The following SAMD12 variants were observed in gnomAD, a reference collection of about 807,000 sequenced individuals.
SAMD12 encodes sterile alpha motif domain-containing protein 12.
Under a neutral mutation model 15.0 loss-of-function variants are expected in SAMD12, and 9 were observed. The ratio of observed to expected loss-of-function variants is 0.60; its 90% CI spans 0.36 to 1.05. The LOEUF (loss-of-function observed/expected upper bound fraction) is 1.05, where lower values mean the gene tolerates loss of function less well. Among genes scored for constraint, SAMD12 ranks in the 50% least tolerant of loss-of-function variants. SAMD12 has a pLI of 0.01. For synonymous variants in SAMD12, 86 were observed against 90.1 expected (o/e 0.96, Z 0.25); for missense variants, 230 against 234.2 (o/e 0.98, Z 0.12).
At chr8:118,572,093 G>T (rs1281784085) in intron 2 of SAMD12, among the ~76,000 whole-genome samples, 5 of 152,228 alleles carry the variant, frequency 3.3e-5, no homozygotes, top group Non-Finnish European at 5.9e-5. Flanking sequence ...TCTTGCATCA[G>T]CGTGACCTGG....
chr8:118,440,657 AACACACACACACACAC>A (rs34419362), intron 2 of SAMD12, among the ~76,000 whole-genome samples: 6 of 142,208 alleles, frequency 4.2e-5, no homozygotes, highest in East Asian at 2.1e-4. Context: ...TTATGAGGAA[AACACACACACACACAC>A]ACACACACAC....
intron 3 of SAMD12, among the ~76,000 whole-genome samples, chr8:118,429,408 A>G (rs1241970107): frequency 6.6e-6 from 1 of 152,236 alleles, no homozygotes; most frequent in Non-Finnish European, 1.5e-5. Flanking sequence ...AAATCCAAAA[A>G]AATACAAAAC....
chr8:118,460,245 G>A (rs1477551660), intron 2 of SAMD12, among the ~76,000 whole-genome samples: 1 of 152,160 alleles, frequency 6.6e-6, no homozygotes, highest in African/African-American at 2.4e-5. Context: ...ACATGGCATT[G>A]TACTGTTTGA....
intron 1 of SAMD12, among the ~76,000 whole-genome samples, chr8:118,608,506 T>C (rs1828032659): frequency 6.6e-6 from 1 of 151,946 alleles, no homozygotes; most frequent in Admixed American, 6.6e-5. Context: ...AGGATCTGTG[T>C]TTTGTTTTTG....
intron 4 of SAMD12, among the ~76,000 whole-genome samples, chr8:118,218,024 A>G (rs1812002665): frequency 6.6e-6 from 1 of 152,156 alleles, no homozygotes; most frequent in Non-Finnish European, 1.5e-5. Context: ...ACTGCACCTG[A>G]CTAGCATGCA....
At chr8:118,144,112 C>T in the SAMD12 span, among the ~76,000 whole-genome samples, 4 of 152,044 alleles carry the variant, frequency 2.6e-5, no homozygotes, top group Admixed American at 2.0e-4. Flanking sequence ...GTCATGTTGC[C>T]TCCTCCCCTT....
At chr8:118,186,792 G>T (rs564964656), downstream of SAMD12, among the ~76,000 whole-genome samples, 3 of 152,254 alleles carry the variant, frequency 2.0e-5, no homozygotes, top group Non-Finnish European at 4.4e-5. Flanking sequence ...ATATGGAAAA[G>T]GGTTGAGATT....
At chr8:118,486,930 T>C (rs1027195900) in intron 2 of SAMD12, among the ~76,000 whole-genome samples, 2 of 152,200 alleles carry the variant, frequency 1.3e-5, no homozygotes, top group Admixed American at 6.5e-5. Flanking sequence ...ATGCAGCCAC[T>C]GTCAAACCCC....
chr8:118,431,717 T>TGTGTGTGC (rs1822424837), intron 3 of SAMD12, among the ~76,000 whole-genome samples: 2 of 150,392 alleles, frequency 1.3e-5, no homozygotes, highest in Admixed American at 6.6e-5. Flanking sequence ...TGTGTGTGTG[T>TGTGTGTGC]GTGTGTGTGT....
chr8:118,240,418 C>G (rs550405916), intron 4 of SAMD12, among the ~76,000 whole-genome samples: 1 of 152,152 alleles, frequency 6.6e-6, no homozygotes, highest in Non-Finnish European at 1.5e-5. Flanking sequence ...TTTAAGAATA[C>G]AGAAATTCAT....
At chr8:118,395,276 T>C (rs948266982) in intron 3 of SAMD12, among the ~76,000 whole-genome samples, 1 of 152,176 alleles carries the variant, frequency 6.6e-6, no homozygotes, top group African/African-American at 2.4e-5. Flanking sequence ...CCAAAGCCTA[T>C]GTACCACACT....
At chr8:118,487,084 G>A (rs182736660) in intron 2 of SAMD12, among the ~76,000 whole-genome samples, 172 of 152,272 alleles carry the variant, frequency 1.1e-3, no homozygotes, top group Middle Eastern at 3.4e-3. Flanking sequence ...GCAAAGACGG[G>A]TGCAGAGTGG....
At chr8:118,268,621 C>A (rs1813263816) in intron 4 of SAMD12, among the ~76,000 whole-genome samples, 1 of 152,044 alleles carries the variant, frequency 6.6e-6, no homozygotes, top group Admixed American at 6.6e-5. Flanking sequence ...TCAAGACCAG[C>A]CTGGCCAACA....
At chr8:118,223,175 T>A (rs1425106877) in intron 4 of SAMD12, among the ~76,000 whole-genome samples, 1 of 152,222 alleles carries the variant, frequency 6.6e-6, no homozygotes. Context: ...AATAAATATC[T>A]TCTCTTGACA....
intron 2 of SAMD12, among the ~76,000 whole-genome samples, chr8:118,520,061 T>G (rs4876848): frequency 0.7 from 106,073 of 152,050 alleles, 38,392 homozygotes; most frequent in African/African-American, 0.9. Flanking sequence ...AATGCTACAG[T>G]GAAGGCATCA....
chr8:118,189,433 T>C (rs1819299677), downstream of SAMD12: 1 of 152,176 alleles, frequency 6.6e-6, no homozygotes, highest in Non-Finnish European at 1.5e-5. Context: ...AGGATATATG[T>C]TGAAAATCAG....
chr8:118,221,373 T>C (rs1024352827), intron 4 of SAMD12, among the ~76,000 whole-genome samples: 1 of 152,130 alleles, frequency 6.6e-6, no homozygotes, highest in African/African-American at 2.4e-5. Context: ...GGAGGGGTCA[T>C]TTCAGCTCAG....
rs1417078284 is a variant in SAMD12, at chr8:118,378,693, T to C, written c.*724A>G. 2 of 984,964 alleles carry C rather than the reference T, an allele frequency of 2.0e-6. No homozygotes were observed. The highest frequency in any genetic ancestry group is 2.4e-6 in the Non-Finnish European group (2 of 829,664). 61.0% of individuals were successfully genotyped at this position (984,964 alleles called of 1,614,324 possible). A position where few individuals can be genotyped will look rare whatever the true frequency, so the allele number is the denominator to read the frequency against. ...TCAAAAACACATATTTTATCATCCT[T>C]TCATTTAAAACGATGTACAATGGAC... On this transcript the variant is annotated 3_prime_UTR_variant, in exon 4 of 4. Coordinates refer to ENST00000314727, the MANE Select transcript of SAMD12 (RefSeq NM_207506.3).
intron 4 of SAMD12, among the ~76,000 whole-genome samples, chr8:118,283,706 T>C (rs1348683517): frequency 6.6e-6 from 1 of 152,228 alleles, no homozygotes; most frequent in Non-Finnish European, 1.5e-5. Context: ...GCTTCTACTA[T>C]GTCTTGTACC....
Sources: allele counts gnomAD v4.1 joint callset (sites outside exome capture counted in the v4.1 genomes callset), GRCh38; gene constraint gnomAD v4.1.1; transcripts MANE v1.5; gene names NCBI Gene and HGNC (gene_info 2026-07-23, HGNC 2026-07-21).